SPANXN3: variants seen among roughly 807,000 people sequenced by gnomAD.
The protein encoded by SPANXN3 is sperm protein associated with the nucleus on the X chromosome N3.
A neutral mutation model predicts 1.9 loss-of-function variants in SPANXN3; 1 was observed. The observed-to-expected ratio is 0.54, with a 90% confidence interval of 0.19 to 2.54. The LOEUF is 2.54. Among genes scored for constraint, SPANXN3 ranks in the 30% most tolerant of loss-of-function variants. SPANXN3 has a pLI of 0.24. For missense variants in SPANXN3, 113 were observed against 96.2 expected (o/e 1.17, Z -0.73); for synonymous variants, 47 against 40.0 (o/e 1.17, Z -0.66).
At chrX:143,514,509 C>G (rs2124258772) in intron 1 of SPANXN3, among the ~76,000 whole-genome samples, 1 of 111,742 alleles carries the variant, frequency 8.9e-6, no homozygotes, top group South Asian at 3.8e-4. Flanking sequence ...TTCCAACACA[C>G]AAGGTCTGAG....
rs1264050322 is a variant in SPANXN3 at position 143,509,466 on chromosome X, A to G, written c.79-304T>C. The G allele has an allele frequency of 1.9e-5, 5 of 261,580 alleles. No homozygotes were observed. In the South Asian group the frequency reaches 3.2e-4, roughly 17 times the overall value. The allele number at this position is 261,580 out of a possible 1,213,427, so 21.6% of individuals were successfully genotyped here. A position where few individuals can be genotyped will look rare whatever the true frequency, so the allele number is the denominator to read the frequency against. On this transcript the variant is annotated intron_variant, in intron 1 of 1. Coordinates refer to ENST00000370503, the MANE Select transcript of SPANXN3 (RefSeq NM_001009609.4). ...CAACATCCTGCCTAACCACCTGACC[A>G]CAAGGTGGACAAAGGCTCAACTAAA...
chrX:143,509,993 C>A (rs1436421853), intron 1 of SPANXN3: 3 of 111,914 alleles, frequency 2.7e-5, no homozygotes, highest in Non-Finnish European at 5.7e-5. Flanking sequence ...AGACCGGGGC[C>A]TACTTCCAGA....
chrX:143,510,239 G>A (rs1184637734), intron 1 of SPANXN3: 3 of 111,061 alleles, frequency 2.7e-5, no homozygotes, highest in African/African-American at 9.8e-5. Flanking sequence ...ATTTCTGCTT[G>A]TTCTCCAAAA....
chrX:143,514,618 T>C (rs1929171627), intron 1 of SPANXN3, among the ~76,000 whole-genome samples: 1 of 111,283 alleles, frequency 9.0e-6, no homozygotes, highest in South Asian at 3.9e-4. Context: ...ATTCTCTGGA[T>C]GGATAAAAGC....
intron 1 of SPANXN3, among the ~76,000 whole-genome samples, chrX:143,510,854 A>G (rs1490640114): frequency 1.4e-4 from 14 of 103,175 alleles, no homozygotes; most frequent in African/African-American, 3.9e-4. Flanking sequence ...CCTTACTGTC[A>G]CCCTCCATCC....
chrX:143,509,883 C>T (rs1274162774), intron 1 of SPANXN3: 3 of 118,140 alleles, frequency 2.5e-5, no homozygotes, highest in Non-Finnish European at 5.6e-5. Context: ...CCCTTCAAAA[C>T]CTAACACTTT....
intron 1 of SPANXN3, among the ~76,000 whole-genome samples, chrX:143,515,054 A>G (rs1929181726): frequency 9.1e-6 from 1 of 110,147 alleles, no homozygotes; most frequent in Non-Finnish European, 1.9e-5. Flanking sequence ...CCAACATCTA[A>G]TAAGACAGTA....
chrX:143,516,002 A>G (rs1556412436), intron 1 of SPANXN3, among the ~76,000 whole-genome samples: 1 of 111,375 alleles, frequency 9.0e-6, no homozygotes, highest in South Asian at 3.8e-4. Context: ...CATATTATCC[A>G]ACTCAAGGGC....
chrX:143,513,330 C>T (rs782714989), intron 1 of SPANXN3, among the ~76,000 whole-genome samples: 1 of 112,327 alleles, frequency 8.9e-6, no homozygotes, highest in South Asian at 3.7e-4. Context: ...CAGGGCCTTG[C>T]CCTTGGACTA....
Position 143,517,401 on chromosome X carries a change from T to G in SPANXN3, c.-10A>C, listed in dbSNP as rs782456130. 8.3e-7 allele frequency: 1 copy of G among 1,210,432 alleles called. No homozygotes were observed. The highest frequency in any genetic ancestry group is 1.8e-5 in the South Asian group (1 of 56,936). ...AAGTTGGCTGTTCCATGATTCTGGT[T>G]GGTTGTAGAATGTCTATAGTAGGCT... On this transcript the variant is annotated 5_prime_UTR_variant, in exon 1 of 2. Coordinates refer to ENST00000370503, the MANE Select transcript of SPANXN3 (RefSeq NM_001009609.4).
At chrX:143,516,175 G>T (rs188397718) in intron 1 of SPANXN3, among the ~76,000 whole-genome samples, 2 of 112,195 alleles carry the variant, frequency 1.8e-5, no homozygotes, top group African/African-American at 6.5e-5. Context: ...CTATCAGGCC[G>T]TCAGAGGGGC....
chrX:143,511,864 A>G (rs1349571608), intron 1 of SPANXN3, among the ~76,000 whole-genome samples: 3 of 111,095 alleles, frequency 2.7e-5, no homozygotes, highest in African/African-American at 9.8e-5. Flanking sequence ...CCTAGAGTCC[A>G]CCACCCCTAC....
intron 1 of SPANXN3, among the ~76,000 whole-genome samples, chrX:143,511,969 G>A (rs180733134): frequency 1.4e-4 from 16 of 111,019 alleles, no homozygotes; most frequent in Admixed American, 7.6e-4. Context: ...CTAGTTACTC[G>A]GTTTTACCAG....
chrX:143,508,818 A>G lies in SPANXN3; in HGVS notation c.423T>C (p.Asp141=). The part of the protein sequence containing the change: ...SEGSSQDSGE[D] The stretch of plus-strand genomic sequence containing the variant: ...AATTTGGTTTCTCCATGTGTGACTA[A>G]TCCTCCCCACTGTCCTGTGAAGATC... The change falls in exon 2 of 2, where the codon GAT becomes GAC. Residue 141 remains aspartate (D), a synonymous_variant. Transcript: ENST00000370503. 8.3e-7 allele frequency: 1 copy of G among 1,203,636 alleles called. No homozygotes were observed. The highest frequency in any genetic ancestry group is 3.0e-5 in the East Asian group (1 of 33,655).
At chrX:143,514,202 T>C (rs1390629321) in intron 1 of SPANXN3, among the ~76,000 whole-genome samples, 2 of 111,739 alleles carry the variant, frequency 1.8e-5, no homozygotes, top group African/African-American at 6.5e-5. Context: ...TAAAACCCCA[T>C]CGTTATTGCT....
At position 143,509,132 on chromosome X, in the gene SPANXN3, G is replaced by T. The variant is rs1417369691; in HGVS notation, c.109C>A (p.Pro37Thr). 1 of 1,207,816 alleles carries T rather than the reference G, an allele frequency of 8.3e-7. No homozygotes were observed. The highest frequency in any genetic ancestry group is 1.8e-5 in the African/African-American group (1 of 56,877). The change falls in exon 2 of 2, where the codon CCC becomes ACC. Residue 37 changes from proline to threonine, a missense_variant. Physicochemically the swap from Pro to Thr is conservative, Grantham distance 38. Transcript: ENST00000370503. ...MQEVPNRVLA[P>T]EQSLKNTKTS... is the part of the protein sequence containing the mutation. ...TTTGTGTTCTTCAAACTCTGTTCGG[G>T]GGCTAAGACTCTGTTTGGTACCTCT...
chrX:143,509,152 A>G lies in SPANXN3; in HGVS notation c.89T>C (p.Val30Ala), dbSNP rs782513572. Residue 30 changes from valine to alanine, a missense_variant, in exon 2 of 2, where the codon GTA (valine) becomes GCA (alanine). By Grantham distance (64) the Val-to-Ala change is moderately conservative. Coordinates refer to ENST00000370503, the MANE Select transcript of SPANXN3 (RefSeq NM_001009609.4). ...NNKKNDEMQE[V>A]PNRVLAPEQS... ...TTCGGGGGCTAAGACTCTGTTTGGT[A>G]CCTCTTGCATCTGGTAAGAAAATAG... The G allele has an allele frequency of 2.5e-5, 30 of 1,203,248 alleles. No individual in the cohort carries two copies. Among genetic ancestry groups the G allele is most frequent in the Admixed American group, 1.3e-4 (6 of 45,377 alleles).
At chrX:143,515,613 C>G (rs1458807295) in intron 1 of SPANXN3, among the ~76,000 whole-genome samples, 1 of 110,348 alleles carries the variant, frequency 9.1e-6, no homozygotes, top group Non-Finnish European at 1.9e-5. Context: ...GTCCCCACCC[C>G]CAACCTCTGA....
Position 143,517,304 on chromosome X carries a change from A to T in SPANXN3, c.78+10T>A. On this transcript the variant is annotated intron_variant, in intron 1 of 1. Transcript: ENST00000370503. Reference sequence around the variant, plus strand: ...ACCCTCACCTTCCCTTCAAAACCTGACAATCTTACCTCATCATTTTTTTTG... The same window carrying T: ...ACCCTCACCTTCCCTTCAAAACCTGTCAATCTTACCTCATCATTTTTTTTG... The T allele has an allele frequency of 8.3e-7, 1 of 1,208,506 alleles. No individual in the cohort carries two copies. The highest frequency in any genetic ancestry group is 1.8e-5 in the South Asian group (1 of 56,622).
Sources: gnomAD v4.1 joint callset for allele counts (sites outside exome capture counted in the v4.1 genomes callset) on GRCh38, gnomAD v4.1.1 for gene constraint, MANE v1.5 for transcripts, NCBI Gene and HGNC (gene_info 2026-07-23, HGNC 2026-07-21) for gene names.